SNX31: variants seen among roughly 807,000 people sequenced by gnomAD.
SNX31 encodes the protein sorting nexin-31.
SNX31 carries 58 observed loss-of-function variants against 65.4 expected under a neutral mutation model. The observed-to-expected ratio is 0.89, with a 90% CI of 0.72 to 1.10. The LOEUF (loss-of-function observed/expected upper bound fraction) is 1.10, where lower values mean the gene tolerates loss of function less well. SNX31 is among the 50% of genes least tolerant of loss of function. The pLI is 0.00. For synonymous variants in SNX31, 181 were observed against 190.1 expected, an observed-to-expected ratio of 0.95 and a Z score of 0.39; for missense variants, 523 against 529.7, an observed-to-expected ratio of 0.99 and a Z score of 0.12.
intron 4 of SNX31, among the ~76,000 whole-genome samples, chr8:100,624,721 A>G (rs1462795152): frequency 6.6e-6 from 1 of 152,238 alleles, no homozygotes; most frequent in African/African-American, 2.4e-5. Context: ...TGTAAACGCA[A>G]TACAAAAACC....
rs1421144589 is a variant in SNX31 at position 100,614,051 on chromosome 8, A to G, written c.433-966T>C. The stretch of plus-strand genomic sequence containing the variant: ...TTCTCTTGTCAGAGATACATAAATT[A>G]CCCCCAGGAAGCAGTCTGATTAGGT... On this transcript the variant is annotated intron_variant, in intron 5 of 13. Transcript: ENST00000311812. The surrounding 1 kb of genome is among the most constrained non-coding windows in gnomAD (Gnocchi z 5.1). 6.6e-6 allele frequency among the ~76,000 whole-genome samples: 1 copy of G among 151,746 alleles called. No individual in the cohort carries two copies. The highest frequency in any genetic ancestry group is 1.5e-5 in the Non-Finnish European group (1 of 67,982).
intron 8 of SNX31, among the ~76,000 whole-genome samples, chr8:100,602,972 T>A (rs1186503673): frequency 1.3e-5 from 2 of 152,182 alleles, no homozygotes; most frequent in African/African-American, 4.8e-5. Context: ...ACCACCATTT[T>A]ACAGATGAGT....
intron 2 of SNX31, among the ~76,000 whole-genome samples, chr8:100,647,177 G>A (rs185272437): frequency 3.3e-4 from 50 of 152,228 alleles, no homozygotes; most frequent in Admixed American, 5.2e-4. Context: ...GGGGGAAAAT[G>A]ATAAATATTC....
At chr8:100,590,732 A>G (rs1175102806) in intron 10 of SNX31, among the ~76,000 whole-genome samples, 2 of 152,154 alleles carry the variant, frequency 1.3e-5, no homozygotes, top group African/African-American at 4.8e-5. Flanking sequence ...CAGTGAGCTG[A>G]GATTGCGCCA....
In SNX31 at chr8:100,612,500, G is replaced by T. The variant is rs1176490020; in HGVS notation, c.524-413C>A. Reference sequence around the variant, plus strand: ...ACCATTTTACAAAAAAAAAAAACTTGTAATATCTAGAAACATACTGTAGAG... The same window carrying T: ...ACCATTTTACAAAAAAAAAAAACTTTTAATATCTAGAAACATACTGTAGAG... On this transcript the variant is annotated intron_variant, in intron 6 of 13. Coordinates refer to ENST00000311812, the MANE Select transcript of SNX31 (RefSeq NM_152628.4). This position sits in a 1 kb window ranked among gnomAD's most constrained non-coding sequence, Gnocchi z 4.3. Among the ~76,000 whole-genome samples, 1 of 151,576 alleles carries T rather than the reference G, an allele frequency of 6.6e-6. No homozygotes were observed. The highest frequency in any genetic ancestry group is 1.5e-5 in the Non-Finnish European group (1 of 67,938).
At chr8:100,636,088 AGG>A in intron 2 of SNX31, 77 bp from the exon 3 acceptor site, 1 of 1,000,198 alleles carries the variant, frequency 1.0e-6, no homozygotes, top group Non-Finnish European at 1.6e-6. Flanking sequence ...AGTCTCCTTT[AGG>A]GCAAGTCCCA....
At chr8:100,649,698 C>A, upstream of SNX31, 1 of 514,384 alleles carries the variant, frequency 1.9e-6, no homozygotes, top group South Asian at 3.3e-5. Flanking sequence ...CGCGCCGCCT[C>A]CCAGTCCCCG....
At position 100,596,835 on chromosome 8, in the gene SNX31, T is replaced by C. The variant is rs1815139684; in HGVS notation, c.782A>G (p.Glu261Gly). 14 of 1,613,202 alleles carry C rather than the reference T, an allele frequency of 8.7e-6. No individual in the cohort carries two copies. The East Asian group carries it at 2.9e-4, about 33-fold the overall frequency. Residue 261 changes from glutamate to glycine, a missense_variant, in exon 10 of 14, where the codon GAG becomes GGG. Glu to Gly is a moderately conservative substitution (Grantham distance 98, BLOSUM62 -2). Coordinates refer to ENST00000311812, the MANE Select transcript of SNX31 (RefSeq NM_152628.4). ...ATAGTGCCGTACCTCCCGGGCCAGC[T>C]CCAAAAACTGCTCCAAAGAGGGTGA... ...QKEDSQTKFL[E>G]LAREVRHYGY...
chr8:100,662,883 A>G (rs887404368), intron 1 of SNX31, among the ~76,000 whole-genome samples: 1 of 152,210 alleles, frequency 6.6e-6, no homozygotes, highest in African/African-American at 2.4e-5. Context: ...CACTTGGCCT[A>G]ATTTAAAAAT....
chr8:100,611,361 C>A (rs1277171030), intron 7 of SNX31, among the ~76,000 whole-genome samples: 10 of 152,244 alleles, frequency 6.6e-5, no homozygotes, highest in African/African-American at 2.4e-4. Context: ...TGTCCCCTGG[C>A]CCCGCCCCTG....
In SNX31 at chr8:100,604,763, A is replaced by G. The variant is rs972078795; in HGVS notation, c.681+3731T>C. On this transcript the variant is annotated intron_variant, in intron 8 of 13. Transcript: ENST00000311812. The surrounding 1 kb of genome is among the most constrained non-coding windows in gnomAD (Gnocchi z 4.3). Reference sequence around the variant, plus strand: ...CAGGCTGTGGGAATTCAGTTGACTCATTGGATATCACTGGGCACATCTGCT... The same window carrying G: ...CAGGCTGTGGGAATTCAGTTGACTCGTTGGATATCACTGGGCACATCTGCT... Among the ~76,000 whole-genome samples the G allele has an allele frequency of 1.1e-4, 16 of 152,358 alleles. No homozygotes were observed. In the East Asian group the frequency reaches 2.9e-3, roughly 28 times the overall value.
chr8:100,585,151 G>A (rs1813929055), intron 11 of SNX31, among the ~76,000 whole-genome samples: 2 of 152,136 alleles, frequency 1.3e-5, no homozygotes, highest in African/African-American at 4.8e-5. Context: ...CTACACAAAA[G>A]CTGGGCTTCC....
At position 100,575,514 on chromosome 8, in the gene SNX31, G is replaced by A. The variant is rs1261915758; in HGVS notation, c.1227+1505C>T. Among the ~76,000 whole-genome samples, 1 of 152,186 alleles carries A rather than the reference G, an allele frequency of 6.6e-6. No homozygotes were observed. The highest frequency in any genetic ancestry group is 1.5e-5 in the Non-Finnish European group (1 of 68,044). On this transcript the variant is annotated intron_variant, in intron 13 of 13. Transcript: ENST00000311812. The surrounding 1 kb of genome is among the most constrained non-coding windows in gnomAD (Gnocchi z 5.1). ...CCTGTATTAGAGTTACCACTCATCC[G>A]AGAGGACAACTGAACTGATCACAGT... is the stretch of plus-strand genomic sequence containing the variant.
chr8:100,657,664 G>T (rs1820073502), intron 1 of SNX31: 3 of 455,924 alleles, frequency 6.6e-6, no homozygotes, highest in Non-Finnish European at 1.3e-5. Flanking sequence ...GAAGTGGAGG[G>T]ACAAGATGGG....
intron 11 of SNX31, among the ~76,000 whole-genome samples, chr8:100,584,748 CTTTTTTTT>C (rs531595486): frequency 1.5e-5 from 2 of 135,460 alleles, no homozygotes; most frequent in Non-Finnish European, 3.2e-5. Flanking sequence ...TTTTCTTTTT[CTTTTTTTT>C]TTTTTTTTCT....
chr8:100,609,920 T>C lies in SNX31; in HGVS notation c.612-1357A>G, dbSNP rs1816554138. Among the ~76,000 whole-genome samples, 1 of 152,200 alleles carries C rather than the reference T, an allele frequency of 6.6e-6. No individual in the cohort carries two copies. The highest frequency in any genetic ancestry group is 2.1e-4 in the South Asian group (1 of 4,838). ...AGAGATGCACCCAGGCATCTCTCCT[T>C]AAGGACAGAGAAGTCCTTAAGACGC... is the stretch of plus-strand genomic sequence containing the variant. On this transcript the variant is annotated intron_variant, in intron 7 of 13. Coordinates refer to ENST00000311812, the MANE Select transcript of SNX31 (RefSeq NM_152628.4). This position sits in a 1 kb window ranked among gnomAD's most constrained non-coding sequence, Gnocchi z 4.9.
chr8:100,605,824 T>C (rs1032139182), intron 8 of SNX31, among the ~76,000 whole-genome samples: 29 of 152,206 alleles, frequency 1.9e-4, no homozygotes, highest in Admixed American at 4.6e-4. Context: ...TGACCTCTCA[T>C]CACAATGAGA....
intron 1 of SNX31, among the ~76,000 whole-genome samples, chr8:100,658,545 A>G (rs981990094): frequency 2.0e-5 from 3 of 152,170 alleles, no homozygotes; most frequent in African/African-American, 7.2e-5. Context: ...GCACTTTACA[A>G]TATTACTTCA....
intron 12 of SNX31, among the ~76,000 whole-genome samples, chr8:100,579,987 C>A (rs1813355105): frequency 6.6e-6 from 1 of 151,464 alleles, no homozygotes; most frequent in Non-Finnish European, 1.5e-5. Context: ...TAGTGAGACC[C>A]CTGTCTCTAC....
Sources: allele counts gnomAD v4.1 joint callset (sites outside exome capture counted in the v4.1 genomes callset), GRCh38; gene constraint gnomAD v4.1.1; non-coding constraint Gnocchi (gnomAD v3.1); transcripts MANE v1.5; gene names NCBI Gene and HGNC (gene_info 2026-07-23, HGNC 2026-07-21).